The following GINM1 variants were observed in gnomAD, a reference collection of about 807,000 sequenced individuals.
GINM1 encodes the protein glycosylated integral membrane protein 1.
Under a neutral mutation model 37.8 loss-of-function variants are expected in GINM1, and 29 were observed. That is an observed-to-expected ratio of 0.77 (90% confidence interval 0.57 to 1.05). The LOEUF (loss-of-function observed/expected upper bound fraction) is 1.05. GINM1 is among the 50% of genes least tolerant of loss of function. The pLI is 0.00. For missense variants in GINM1, 377 were observed against 397.9 expected (o/e 0.95, Z 0.45); for synonymous variants, 143 against 146.2 (o/e 0.98, Z 0.16).
chr6:149,588,795 T>TTCG (rs1554219905), intron 7 of GINM1, among the ~76,000 whole-genome samples: 191 of 150,956 alleles, frequency 1.3e-3, no homozygotes, highest in Middle Eastern at 3.4e-3. Flanking sequence ...GCCTGGCTAA[T>TTCG]TTGTTGTTGT....
At chr6:149,570,534 CAA>C (rs71786534) in intron 1 of GINM1, among the ~76,000 whole-genome samples, 50,307 of 151,576 alleles carry the variant, frequency 0.33, 10,139 homozygotes, top group East Asian at 0.82. Context: ...GGAAGTGAAC[CAA>C]AGTCACCCTA....
intron 1 of GINM1, among the ~76,000 whole-genome samples, chr6:149,571,498 T>C (rs1353349411): frequency 1.3e-5 from 2 of 152,154 alleles, no homozygotes; most frequent in Non-Finnish European, 2.9e-5. Flanking sequence ...TGTACTGTTA[T>C]CCCACTTACA....
chr6:149,580,379 T>A (rs1777981372), intron 5 of GINM1, among the ~76,000 whole-genome samples: 2 of 152,252 alleles, frequency 1.3e-5, no homozygotes, highest in South Asian at 4.1e-4. Context: ...TGGCTTTCTA[T>A]GTGACAGAAT....
chr6:149,572,650 TTTGTTGTTG>T (rs568375038), intron 3 of GINM1, 47 bp downstream of exon 3: 17 of 1,126,604 alleles, frequency 1.5e-5, no homozygotes, highest in African/African-American at 7.7e-5. Context: ...TTTTTGTGTG[TTTGTTGTTG>T]TTGTTGTTGT....
At chr6:149,570,075 T>C (rs1477780021) in intron 1 of GINM1, among the ~76,000 whole-genome samples, 2 of 144,336 alleles carry the variant, frequency 1.4e-5, no homozygotes, top group African/African-American at 5.1e-5. Context: ...CTCTGGAAAA[T>C]ATAGTGTGCT....
At chr6:149,585,752 C>T (rs1223516081) in intron 7 of GINM1, among the ~76,000 whole-genome samples, 2 of 152,064 alleles carry the variant, frequency 1.3e-5, no homozygotes, top group African/African-American at 2.4e-5. Flanking sequence ...ACCACCACGC[C>T]CAGCTAATTT....
At chr6:149,582,372 T>A (rs549132075) in intron 6 of GINM1, 68 bp from the exon 7 acceptor site, 17 of 1,352,076 alleles carry the variant, frequency 1.3e-5, no homozygotes, top group Middle Eastern at 1.8e-4. Flanking sequence ...GCTAAAACAT[T>A]AAAAAATTTA....
At chr6:149,579,014 T>C in intron 4 of GINM1, 41 bp downstream of exon 4, 2 of 1,301,694 alleles carry the variant, frequency 1.5e-6, no homozygotes, top group Non-Finnish European at 2.2e-6. Flanking sequence ...AAATGATATT[T>C]AGATTTGTGC....
intron 7 of GINM1, among the ~76,000 whole-genome samples, chr6:149,589,153 T>A (rs548292657): frequency 6.6e-6 from 1 of 151,962 alleles, no homozygotes; most frequent in East Asian, 1.9e-4. Flanking sequence ...CTCACTATGT[T>A]GCCCAGGCTG....
Position 149,566,931 on chromosome 6 carries a change from C to G in GINM1, c.120+397C>G, listed in dbSNP as rs1356562563. Among the ~76,000 whole-genome samples the G allele has an allele frequency of 6.6e-6, 1 of 152,236 alleles. No homozygotes were observed. The highest frequency in any genetic ancestry group is 1.9e-4 in the East Asian group (1 of 5,200). The stretch of plus-strand genomic sequence containing the variant: ...GCTCGGGAAGTGTGGAAGTTGCCCA[C>G]TTCGCGCATTTCCAGGCCACTTGTG... On this transcript the variant is annotated intron_variant, in intron 1 of 7. Transcript: ENST00000367419. The surrounding 1 kb of genome is among the most constrained non-coding windows in gnomAD (Gnocchi z 4.4).
chr6:149,574,496 G>A (rs759823005), intron 3 of GINM1, among the ~76,000 whole-genome samples: 1 of 152,012 alleles, frequency 6.6e-6, no homozygotes, highest in Admixed American at 6.6e-5. Context: ...TTCCCCCTTT[G>A]CCTTCTTCTA....
At chr6:149,574,399 T>C (rs1220184134) in intron 3 of GINM1, among the ~76,000 whole-genome samples, 6 of 152,090 alleles carry the variant, frequency 3.9e-5, no homozygotes, top group South Asian at 2.1e-4. Flanking sequence ...TTTTAACTTA[T>C]TTACATTAAT....
At chr6:149,590,482 T>TA (rs2115064928) in intron 7 of GINM1, among the ~76,000 whole-genome samples, 1 of 152,310 alleles carries the variant, frequency 6.6e-6, no homozygotes, top group African/African-American at 2.4e-5. Context: ...GATCTATACT[T>TA]ACCCTATTCT....
rs1778019619 is a variant in GINM1 at position 149,582,616 on chromosome 6, T to C, written c.881+13T>C. ...TTTCTGAATACAAGTAAGTATTTCTTATTTTTGAAATGTTAGTATTTTTAA... is the reference window on the plus strand; with the variant it reads ...TTTCTGAATACAAGTAAGTATTTCTCATTTTTGAAATGTTAGTATTTTTAA... On this transcript the variant is annotated intron_variant, in intron 7 of 7. Coordinates refer to ENST00000367419, the MANE Select transcript of GINM1 (RefSeq NM_138785.5). 1 of 1,510,236 alleles carries C rather than the reference T, an allele frequency of 6.6e-7. No individual in the cohort carries two copies. Among genetic ancestry groups the C allele is most frequent in the Non-Finnish European group, 8.9e-7 (1 of 1,117,752 alleles). 93.6% of individuals were successfully genotyped at this position (1,510,236 alleles called of 1,614,324 possible).
At chr6:149,579,599 G>A (rs1372989166) in intron 4 of GINM1, among the ~76,000 whole-genome samples, 3 of 152,030 alleles carry the variant, frequency 2.0e-5, no homozygotes, top group African/African-American at 4.8e-5. Flanking sequence ...GGCTGAGGCA[G>A]GAGAATCGCT....
At chr6:149,572,452 A>T in intron 2 of GINM1, 55 bp from the exon 3 acceptor site, 1 of 1,292,700 alleles carries the variant, frequency 7.7e-7, no homozygotes, top group Non-Finnish European at 1.1e-6. Flanking sequence ...TGACTTGAAG[A>T]GTTTGCTATT....
chr6:149,577,084 A>G (rs933074448), intron 3 of GINM1, among the ~76,000 whole-genome samples: 1 of 152,324 alleles, frequency 6.6e-6, no homozygotes, highest in African/African-American at 2.4e-5. Context: ...ATCTGCCCCC[A>G]TGGCCCAAAC....
At chr6:149,586,346 G>T (rs974632501) in intron 7 of GINM1, among the ~76,000 whole-genome samples, 2 of 152,252 alleles carry the variant, frequency 1.3e-5, no homozygotes, top group South Asian at 4.1e-4. Flanking sequence ...TGAATAATGA[G>T]AACTCATTCC....
rs148223830 is a variant in GINM1 at position 149,581,612 on chromosome 6, G to A, written c.718-828G>A. ...TTGTTACAAGGATTAAATAAGTTGG[G>A]TACTACATATAAATATGCATTGGCA... On this transcript the variant is annotated intron_variant, in intron 6 of 7. Coordinates refer to ENST00000367419, the MANE Select transcript of GINM1 (RefSeq NM_138785.5). 6.1e-4 allele frequency among the ~76,000 whole-genome samples: 93 copies of A among 152,224 alleles called. 1 individual carries two copies. In the East Asian group the frequency reaches 0.018, roughly 29 times the overall value.
Sources: allele counts gnomAD v4.1 joint callset (sites outside exome capture counted in the v4.1 genomes callset), GRCh38; gene constraint gnomAD v4.1.1; non-coding constraint Gnocchi (gnomAD v3.1); transcripts MANE v1.5; gene names NCBI Gene and HGNC (gene_info 2026-07-23, HGNC 2026-07-21).